TNFAIP8: variants seen among roughly 807,000 people sequenced by gnomAD.
TNFAIP8 encodes TNF alpha induced protein 8.
TNFAIP8 carries 7 observed loss-of-function variants against 13.3 expected under a neutral mutation model. That is an observed-to-expected ratio of 0.52 (90% CI 0.30 to 0.99). The LOEUF (loss-of-function observed/expected upper bound fraction) is 0.99, where lower values mean the gene tolerates loss of function less well. Ranked by LOEUF, TNFAIP8 falls within the 50% of genes least tolerant of loss-of-function variation. TNFAIP8 has a pLI of 0.07. For missense variants in TNFAIP8, 258 were observed against 236.9 expected (o/e 1.09, Z -0.58); for synonymous variants, 94 against 87.6 (o/e 1.07, Z -0.41).
intron 1 of TNFAIP8, among the ~76,000 whole-genome samples, chr5:119,381,889 G>A (rs867020594): frequency 1.3e-5 from 2 of 151,818 alleles, no homozygotes; most frequent in Non-Finnish European, 2.9e-5. Flanking sequence ...CCAAGATCGC[G>A]CCATTGTACT....
At chr5:119,335,747 G>T (rs1011234575) in intron 1 of TNFAIP8, among the ~76,000 whole-genome samples, 1 of 151,982 alleles carries the variant, frequency 6.6e-6, no homozygotes, top group South Asian at 2.1e-4. Flanking sequence ...CCTGCTCTTG[G>T]AGAGCTGATA....
intron 1 of TNFAIP8, among the ~76,000 whole-genome samples, chr5:119,295,174 GGTCT>G (rs1405819042): frequency 2.7e-5 from 1 of 36,844 alleles, no homozygotes; most frequent in African/African-American, 1.3e-4. Flanking sequence ...TATGGTTTTA[GGTCT>G]AACGTTTAGT....
At chr5:119,342,858 C>G (rs1185816694) in intron 1 of TNFAIP8, among the ~76,000 whole-genome samples, 2 of 152,180 alleles carry the variant, frequency 1.3e-5, no homozygotes, top group African/African-American at 4.8e-5. Context: ...TCCTAGGAGA[C>G]TTGCTTAATA....
chr5:119,288,127 A>G (rs1748860445), intron 1 of TNFAIP8, among the ~76,000 whole-genome samples: 1 of 152,228 alleles, frequency 6.6e-6, no homozygotes, highest in Admixed American at 6.5e-5. Context: ...GTGTGAAAAC[A>G]TCTGTTTCAT....
intron 1 of TNFAIP8, among the ~76,000 whole-genome samples, chr5:119,282,584 G>T (rs1360835039): frequency 1.3e-5 from 2 of 152,220 alleles, no homozygotes; most frequent in Non-Finnish European, 2.9e-5. Context: ...CGCACAGAGT[G>T]TCTGACTCCA....
chr5:119,355,012 G>C (rs1390452114), upstream of TNFAIP8: 2 of 315,580 alleles, frequency 6.3e-6, no homozygotes, highest in Non-Finnish European at 1.2e-5. Flanking sequence ...ACCTCCGTAA[G>C]ACAGGCCTAT....
chr5:119,324,780 T>C (rs1213254004), intron 1 of TNFAIP8, among the ~76,000 whole-genome samples: 1 of 152,052 alleles, frequency 6.6e-6, no homozygotes, highest in Non-Finnish European at 1.5e-5. Context: ...GAAAAAAATA[T>C]ATTGTGCATA....
At chr5:119,320,175 G>C (rs1357631281) in intron 1 of TNFAIP8, among the ~76,000 whole-genome samples, 2 of 152,148 alleles carry the variant, frequency 1.3e-5, no homozygotes, top group African/African-American at 4.8e-5. Flanking sequence ...TAGCGACTGT[G>C]ATTTTTAGGA....
chr5:119,373,275 T>C (rs1196651472), intron 1 of TNFAIP8, among the ~76,000 whole-genome samples: 1 of 152,218 alleles, frequency 6.6e-6, no homozygotes, highest in Non-Finnish European at 1.5e-5. Context: ...AAAATTACTC[T>C]TACCCCAAAA....
chr5:119,391,965 T>C (rs193216396), intron 1 of TNFAIP8, among the ~76,000 whole-genome samples: 6 of 152,368 alleles, frequency 3.9e-5, no homozygotes, highest in Admixed American at 3.9e-4. Context: ...TCAGAAGTTA[T>C]AATTCCAAAA....
intron 1 of TNFAIP8, among the ~76,000 whole-genome samples, chr5:119,275,228 CA>C (rs1240883847): frequency 6.6e-6 from 1 of 152,080 alleles, no homozygotes; most frequent in Non-Finnish European, 1.5e-5. Context: ...CAAAAAATAA[CA>C]ACCAAAACAA....
intron 1 of TNFAIP8, among the ~76,000 whole-genome samples, chr5:119,278,916 G>T (rs1298701804): frequency 6.6e-6 from 1 of 152,068 alleles, no homozygotes; most frequent in Non-Finnish European, 1.5e-5. Flanking sequence ...GATGTTAAAG[G>T]TCATGGGTTT....
At chr5:119,367,069 C>T (rs1040608227) in intron 1 of TNFAIP8, among the ~76,000 whole-genome samples, 2 of 152,162 alleles carry the variant, frequency 1.3e-5, no homozygotes, top group Admixed American at 6.5e-5. Context: ...TGAGCCCACC[C>T]AGCCCTCAGG....
chr5:119,298,234 G>T (rs1377728963), intron 1 of TNFAIP8, among the ~76,000 whole-genome samples: 3 of 151,824 alleles, frequency 2.0e-5, no homozygotes, highest in African/African-American at 4.8e-5. Context: ...TGATTTTGCA[G>T]TGGCTGGTAC....
At chr5:119,383,765 T>C (rs553225408) in intron 1 of TNFAIP8, among the ~76,000 whole-genome samples, 2 of 152,268 alleles carry the variant, frequency 1.3e-5, no homozygotes, top group South Asian at 4.1e-4. Flanking sequence ...GAGAAAGAGC[T>C]TTTCCATTCT....
intron 1 of TNFAIP8, among the ~76,000 whole-genome samples, chr5:119,320,373 A>G (rs1312071022): frequency 6.6e-6 from 1 of 152,104 alleles, no homozygotes; most frequent in Non-Finnish European, 1.5e-5. Flanking sequence ...CCATCAGAAC[A>G]TGCCTTTTTA....
chr5:119,377,875 C>A (rs1752340891), intron 1 of TNFAIP8, among the ~76,000 whole-genome samples: 1 of 152,114 alleles, frequency 6.6e-6, no homozygotes, highest in Non-Finnish European at 1.5e-5. Flanking sequence ...ACATTTATTT[C>A]TGTAAGGCAG....
chr5:119,349,610 G>A (rs1319615014), intron 1 of TNFAIP8, among the ~76,000 whole-genome samples: 2 of 152,194 alleles, frequency 1.3e-5, no homozygotes, highest in Non-Finnish European at 2.9e-5. Context: ...GCCCATATCC[G>A]ATGAGGCTTA....
chr5:119,344,191 C>T (rs1374116453), intron 1 of TNFAIP8, among the ~76,000 whole-genome samples: 1 of 152,232 alleles, frequency 6.6e-6, no homozygotes, highest in African/African-American at 2.4e-5. Flanking sequence ...GCACCAGCAT[C>T]TGCTCAGTTT....
Sources: allele counts gnomAD v4.1 joint callset (sites outside exome capture counted in the v4.1 genomes callset), GRCh38; gene constraint gnomAD v4.1.1; transcripts MANE v1.5; gene names NCBI Gene and HGNC (gene_info 2026-07-23, HGNC 2026-07-21).